The following KSR2 variants were observed in gnomAD, a reference collection of about 807,000 sequenced individuals.
KSR2 encodes kinase suppressor of ras 2.
In KSR2, 25 loss-of-function variants were observed where a neutral mutation model predicts 107.8. The ratio of observed to expected loss-of-function variants is 0.23; its 90% CI spans 0.17 to 0.32. The LOEUF is 0.32. Among genes scored for constraint, KSR2 ranks in the 10% least tolerant of loss-of-function variants. The pLI is 1.00. For synonymous variants in KSR2, 480 were observed against 507.0 expected, an observed-to-expected ratio of 0.95 and a Z score of 0.71; for missense variants, 887 against 1,268.9, an observed-to-expected ratio of 0.70 and a Z score of 4.57.
chr12:117,795,862 C>T lies in KSR2; in HGVS notation c.473-34338G>A, dbSNP rs550532872. 1.5e-4 allele frequency among the ~76,000 whole-genome samples: 23 copies of T among 152,292 alleles called. No homozygotes were observed. In the South Asian group the frequency reaches 4.8e-3, roughly 32 times the overall value. The stretch of plus-strand genomic sequence containing the variant: ...CTGGGCTCAAGTGATCCTCCTGCCT[C>T]AGCCTCCCAAAGCGCCAGGACTACA... On this transcript the variant is annotated intron_variant, in intron 3 of 19. Transcript: ENST00000339824.
chr12:117,805,194 T>A (rs1437390610), intron 3 of KSR2, among the ~76,000 whole-genome samples: 1 of 152,190 alleles, frequency 6.6e-6, no homozygotes, highest in Non-Finnish European at 1.5e-5. Context: ...CTCTTTTAAT[T>A]TGGGAGAACT....
chr12:117,524,821 A>G (rs374715264), intron 14 of KSR2, 31 bp downstream of exon 14: 684 of 1,561,550 alleles, frequency 4.4e-4, no homozygotes, highest in Non-Finnish European at 5.8e-4. Flanking sequence ...AGTTTTGCCA[A>G]TCCCTGGGTA....
intron 1 of KSR2, among the ~76,000 whole-genome samples, chr12:117,929,911 T>C (rs1026629589): frequency 3.3e-5 from 5 of 152,202 alleles, no homozygotes. Context: ...ATAGGGATGA[T>C]GAAAAACTTT....
chr12:117,526,288 T>C (rs973700508), intron 13 of KSR2, among the ~76,000 whole-genome samples: 1 of 151,706 alleles, frequency 6.6e-6, no homozygotes, highest in African/African-American at 2.4e-5. Context: ...TATCTAGGGG[T>C]GCTTGGGGGC....
At chr12:117,723,883 TA>T (rs1174238223) in intron 4 of KSR2, among the ~76,000 whole-genome samples, 1 of 152,220 alleles carries the variant, frequency 6.6e-6, no homozygotes, top group Non-Finnish European at 1.5e-5. Flanking sequence ...ATCAAAGTAC[TA>T]GTATAGATAT....
intron 5 of KSR2, among the ~76,000 whole-genome samples, chr12:117,639,076 C>A (rs1314465617): frequency 1.3e-5 from 2 of 152,020 alleles, no homozygotes; most frequent in Non-Finnish European, 2.9e-5. Context: ...AAAAAGGCAG[C>A]TGGTTCACGT....
intron 3 of KSR2, among the ~76,000 whole-genome samples, chr12:117,818,288 G>C (rs915454190): frequency 6.6e-6 from 1 of 152,010 alleles, no homozygotes; most frequent in African/African-American, 2.4e-5. Flanking sequence ...CCCCTCACCT[G>C]GGAAATGGGA....
intron 4 of KSR2, among the ~76,000 whole-genome samples, chr12:117,685,219 G>C (rs563704517): frequency 2.0e-5 from 3 of 152,310 alleles, no homozygotes; most frequent in Non-Finnish European, 4.4e-5. Flanking sequence ...GTCCAGGCCC[G>C]TTGATTTTCC....
intron 5 of KSR2, among the ~76,000 whole-genome samples, chr12:117,593,924 T>A (rs1234026084): frequency 6.6e-6 from 1 of 152,270 alleles, no homozygotes; most frequent in Non-Finnish European, 1.5e-5. Flanking sequence ...TAGGTCCTTC[T>A]GACCATTTAT....
chr12:117,954,971 C>T lies in KSR2; in HGVS notation c.180+13105G>A, dbSNP rs897730704. Among the ~76,000 whole-genome samples, 10 of 150,294 alleles carry T rather than the reference C, an allele frequency of 6.7e-5. 1 individual carries two copies. Among genetic ancestry groups the T allele is most frequent in the Admixed American group, 4.6e-4 (7 of 15,082 alleles). ...CACGGAGGTTGCAGTGAGCTGAGAT[C>T]GCGCCACTGCACTCCAGCCTGGGCA... On this transcript the variant is annotated intron_variant, in intron 1 of 19. Coordinates refer to ENST00000339824, the MANE Select transcript of KSR2 (RefSeq NM_173598.6).
chr12:117,763,721 G>A (rs1889129189), intron 3 of KSR2, among the ~76,000 whole-genome samples: 1 of 152,198 alleles, frequency 6.6e-6, no homozygotes, highest in South Asian at 2.1e-4. Flanking sequence ...GGAGTTTTGA[G>A]GCAGGGGAGG....
chr12:117,633,201 A>G (rs375865851), intron 5 of KSR2, among the ~76,000 whole-genome samples: 66 of 152,326 alleles, frequency 4.3e-4, no homozygotes, highest in African/African-American at 1.4e-3. Context: ...TCCTCCAGTG[A>G]TGTGGATTTC....
chr12:117,566,181 G>C lies in KSR2; in HGVS notation c.1326-7608C>G, dbSNP rs1244435211. Among the ~76,000 whole-genome samples, 4 of 152,072 alleles carry C rather than the reference G, an allele frequency of 2.6e-5. No homozygotes were observed. In the East Asian group the frequency reaches 7.7e-4, roughly 29 times the overall value. Reference sequence around the variant, plus strand: ...ATTGTCCCCAGGCTGAAGCGCAGTGGTGCAATCTCAGCTCACTGCAACTTC... The same window carrying C: ...ATTGTCCCCAGGCTGAAGCGCAGTGCTGCAATCTCAGCTCACTGCAACTTC... On this transcript the variant is annotated intron_variant, in intron 7 of 19. Coordinates refer to ENST00000339824, the MANE Select transcript of KSR2 (RefSeq NM_173598.6).
intron 5 of KSR2, among the ~76,000 whole-genome samples, chr12:117,639,439 C>T (rs999966658): frequency 3.3e-5 from 5 of 151,182 alleles, no homozygotes; most frequent in African/African-American, 1.2e-4. Context: ...AAGCAATTCT[C>T]GTGCCTCAGC....
At chr12:117,697,741 A>G (rs1287579412) in intron 4 of KSR2, among the ~76,000 whole-genome samples, 1 of 126,732 alleles carries the variant, frequency 7.9e-6, no homozygotes, top group Non-Finnish European at 1.5e-5. Flanking sequence ...CTCCATCTCA[A>G]AAAAAAAAAA....
At chr12:117,493,358 A>G (rs1872847282) in intron 14 of KSR2, among the ~76,000 whole-genome samples, 1 of 152,010 alleles carries the variant, frequency 6.6e-6, no homozygotes, top group Non-Finnish European at 1.5e-5. Context: ...CTGGATAGAG[A>G]GTCTCCCAGT....
chr12:117,601,205 T>C (rs1052915314), intron 5 of KSR2, among the ~76,000 whole-genome samples: 1 of 151,836 alleles, frequency 6.6e-6, no homozygotes, highest in African/African-American at 2.4e-5. Context: ...TAGCTGATAT[T>C]TGTCTCTCTC....
chr12:117,581,991 C>T (rs1448795816), intron 6 of KSR2, among the ~76,000 whole-genome samples: 5 of 152,204 alleles, frequency 3.3e-5, no homozygotes, highest in Admixed American at 2.6e-4. Flanking sequence ...GGTTAAGTAA[C>T]TTCCTCAAGG....
At chr12:117,469,165 T>G (rs148158274) in intron 19 of KSR2, among the ~76,000 whole-genome samples, 1 of 152,276 alleles carries the variant, frequency 6.6e-6, no homozygotes, top group African/African-American at 2.4e-5. Context: ...GAGCCTCTTA[T>G]GAGGAAATCA....
Sources: allele counts gnomAD v4.1 joint callset (sites outside exome capture counted in the v4.1 genomes callset), GRCh38; gene constraint gnomAD v4.1.1; transcripts MANE v1.5; gene names NCBI Gene and HGNC (gene_info 2026-07-23, HGNC 2026-07-21).